PARP8: variants seen among roughly 807,000 people sequenced by gnomAD.
PARP8 encodes the protein poly(ADP-ribose) polymerase family member 8.
In PARP8, 51 loss-of-function variants were observed where a neutral mutation model predicts 124.1. The ratio of observed to expected loss-of-function variants is 0.41; its 90% CI spans 0.33 to 0.52. PARP8 has a LOEUF of 0.52. Ranked by LOEUF, PARP8 falls within the 20% of genes least tolerant of loss-of-function variation. The pLI, the probability that PARP8 is intolerant of heterozygous loss-of-function variation, is 0.21. For missense variants in PARP8, 860 were observed against 1,018.9 expected, an observed-to-expected ratio of 0.84 and a Z score of 2.12; for synonymous variants, 391 against 361.5, an observed-to-expected ratio of 1.08 and a Z score of -0.93.
intron 14 of PARP8, among the ~76,000 whole-genome samples, chr5:50,801,225 G>A (rs187998569): frequency 5.9e-5 from 9 of 151,790 alleles, no homozygotes; most frequent in African/African-American, 9.7e-5. Flanking sequence ...CTCAGCCTCC[G>A]AGTAGCTGGG....
chr5:50,791,176 G>C (rs1639440879), intron 10 of PARP8, among the ~76,000 whole-genome samples: 1 of 152,048 alleles, frequency 6.6e-6, no homozygotes, highest in Non-Finnish European at 1.5e-5. Flanking sequence ...TTTTTTTCTG[G>C]TGATTTCAGA....
chr5:50,709,795 GATAA>G (rs1037207222), intron 2 of PARP8, among the ~76,000 whole-genome samples: 1 of 151,254 alleles, frequency 6.6e-6, no homozygotes, highest in African/African-American at 2.4e-5. Context: ...CCAAAAGAGA[GATAA>G]ATAGACAAAG....
intron 2 of PARP8, among the ~76,000 whole-genome samples, chr5:50,712,072 T>C (rs1183066132): frequency 6.6e-6 from 1 of 152,158 alleles, no homozygotes; most frequent in Non-Finnish European, 1.5e-5. Flanking sequence ...GTTTATTCTT[T>C]ATCAATTTTA....
intron 1 of PARP8, chr5:50,667,536 G>T: frequency 1.4e-6 from 1 of 700,144 alleles, no homozygotes; most frequent in Non-Finnish European, 2.6e-6. Flanking sequence ...GCAGAGCGGG[G>T]TTGGTTTGCG....
intron 3 of PARP8, among the ~76,000 whole-genome samples, chr5:50,751,656 A>G (rs1220890014): frequency 6.6e-6 from 1 of 152,138 alleles, no homozygotes; most frequent in Non-Finnish European, 1.5e-5. Context: ...GAAAGGCAGA[A>G]CAGGGCAGTT....
chr5:50,778,447 G>T, intron 8 of PARP8, 113 bp from the exon 9 acceptor site: 1 of 807,488 alleles, frequency 1.2e-6, no homozygotes, highest in Non-Finnish European at 2.0e-6. Flanking sequence ...ATAACTTATA[G>T]GCCTTCATGT....
chr5:50,750,777 G>A (rs1173251698), intron 3 of PARP8, among the ~76,000 whole-genome samples: 2 of 151,928 alleles, frequency 1.3e-5, no homozygotes, highest in Non-Finnish European at 2.9e-5. Flanking sequence ...CTCTCCATAT[G>A]TTTTAAGAAT....
intron 2 of PARP8, chr5:50,669,493 G>A (rs1353234413): frequency 6.6e-6 from 1 of 152,094 alleles, no homozygotes; most frequent in African/African-American, 2.4e-5. Context: ...AGGACAGGTG[G>A]GCTTTTCAAG....
intron 25 of PARP8, among the ~76,000 whole-genome samples, chr5:50,839,621 A>G (rs1338495184): frequency 2.6e-5 from 4 of 151,782 alleles, no homozygotes; most frequent in African/African-American, 9.7e-5. Flanking sequence ...GTAGAAAAAT[A>G]TGCATTTTAT....
chr5:50,678,188 A>C (rs2149441596), intron 2 of PARP8, among the ~76,000 whole-genome samples: 1 of 152,284 alleles, frequency 6.6e-6, no homozygotes, highest in East Asian at 1.9e-4. Flanking sequence ...AAGAACCATT[A>C]CAAAAATTCC....
intron 2 of PARP8, among the ~76,000 whole-genome samples, chr5:50,746,765 G>A (rs577067276): frequency 2.0e-5 from 3 of 152,218 alleles, no homozygotes; most frequent in African/African-American, 7.2e-5. Context: ...TGGGATTAAT[G>A]GTTTTAATCC....
intron 2 of PARP8, chr5:50,739,098 A>C (rs1419750442): frequency 1.4e-6 from 1 of 702,252 alleles, no homozygotes; most frequent in Non-Finnish European, 2.6e-6. Context: ...TATTGAATCA[A>C]AGTCCCAAGC....
chr5:50,770,178 A>G (rs1433457791), intron 7 of PARP8, among the ~76,000 whole-genome samples: 1 of 151,992 alleles, frequency 6.6e-6, no homozygotes. Flanking sequence ...TTACTTAACT[A>G]TTTCCTTATT....
In PARP8 at chr5:50,735,931, G is replaced by A. The variant is rs79017782; in HGVS notation, c.147-14220G>A. 6.7e-3 allele frequency among the ~76,000 whole-genome samples: 1,014 copies of A among 150,968 alleles called. 8 individuals carry two copies. The highest frequency in any genetic ancestry group is 0.038 in the East Asian group (193 of 5,110). ...AAACTAATACCTGAAGGATGAGTAG[G>A]ATCAAGCCAGGAGATCTAGGGGATT... On this transcript the variant is annotated intron_variant, in intron 2 of 25. Transcript: ENST00000281631.
chr5:50,703,875 C>G (rs13153982), intron 2 of PARP8, among the ~76,000 whole-genome samples: 135,591 of 151,852 alleles, frequency 0.89, 60,575 homozygotes, highest in East Asian at 0.96. Context: ...CTCTAGCCTG[C>G]ATGATAAAAT....
chr5:50,757,414 C>T (rs955985068), intron 3 of PARP8, among the ~76,000 whole-genome samples: 2 of 152,054 alleles, frequency 1.3e-5, no homozygotes, highest in African/African-American at 4.8e-5. Flanking sequence ...GCTTTCTTTC[C>T]TGTTCTATGT....
At chr5:50,734,235 G>A (rs1404565456) in intron 2 of PARP8, among the ~76,000 whole-genome samples, 1 of 151,866 alleles carries the variant, frequency 6.6e-6, no homozygotes, top group East Asian at 1.9e-4. Context: ...ATGTTATTAT[G>A]GATCTCTTTT....
At position 50,730,895 on chromosome 5, in the gene PARP8, A is replaced by G. The variant is rs176080; in HGVS notation, c.147-19256A>G. On this transcript the variant is annotated intron_variant, in intron 2 of 25. Coordinates refer to ENST00000281631, the MANE Select transcript of PARP8 (RefSeq NM_024615.4). ...ATATTAATCAGAAGACAAGGAAGTA[A>G]TGTGCAAGGGCAGATTACCCAGTGA... is the stretch of plus-strand genomic sequence containing the variant. 4.5e-4 allele frequency among the ~76,000 whole-genome samples: 68 copies of G among 152,346 alleles called. No homozygotes were observed. The East Asian group carries it at 6.9e-3, about 16-fold the overall frequency.
chr5:50,685,222 T>C (rs1418190901), intron 2 of PARP8, among the ~76,000 whole-genome samples: 1 of 152,226 alleles, frequency 6.6e-6, no homozygotes, highest in Admixed American at 6.5e-5. Flanking sequence ...CATTTGCTAA[T>C]GACAGAATAC....
Sources: gnomAD v4.1 joint callset for allele counts (sites outside exome capture counted in the v4.1 genomes callset) on GRCh38, gnomAD v4.1.1 for gene constraint, MANE v1.5 for transcripts, NCBI Gene and HGNC (gene_info 2026-07-23, HGNC 2026-07-21) for gene names.